CNTNAP4: variants seen among roughly 807,000 people sequenced by gnomAD.
The protein encoded by CNTNAP4 is contactin-associated protein-like 4.
CNTNAP4 carries 98 observed loss-of-function variants against 148.4 expected under a neutral mutation model. That is an observed-to-expected ratio of 0.66 (90% confidence interval 0.56 to 0.78). The LOEUF (loss-of-function observed/expected upper bound fraction) is 0.78, where lower values mean the gene tolerates loss of function less well. Ranked by LOEUF, CNTNAP4 falls within the 30% of genes least tolerant of loss-of-function variation. CNTNAP4 has a pLI of 0.00. For synonymous variants in CNTNAP4, 730 were observed against 565.1 expected (o/e 1.29, Z -4.14); for missense variants, 1,935 against 1,565.6 (o/e 1.24, Z -3.98).
intron 21 of CNTNAP4, among the ~76,000 whole-genome samples, chr16:76,550,146 CAT>C (rs35161209): frequency 0.19 from 29,097 of 152,078 alleles, 3,462 homozygotes; most frequent in Middle Eastern, 0.31. Context: ...AAAATAAACA[CAT>C]AAATATAACC....
chr16:76,395,627 CTT>C (rs972990502), intron 3 of CNTNAP4, among the ~76,000 whole-genome samples: 3 of 152,012 alleles, frequency 2.0e-5, no homozygotes, highest in Admixed American at 1.3e-4. Context: ...TTATAAGTAT[CTT>C]CAGTAAAAAT....
chr16:76,345,823 G>C (rs920572344), intron 2 of CNTNAP4, among the ~76,000 whole-genome samples: 2 of 152,180 alleles, frequency 1.3e-5, no homozygotes, highest in Non-Finnish European at 2.9e-5. Context: ...TAAAGTAAAT[G>C]CTGTATGAAA....
Position 76,470,496 on chromosome 16 carries a change from T to TATATATATATATATAA in CNTNAP4, c.1655+2974_1655+2975insTATATATATATATAAA, listed in dbSNP as rs1381766837. ...TCTCTACTAATAATATATATATATA[T>TATATATATATATATAA]AAAATTAGTCGGGCATGGTGGCACA... is the stretch of plus-strand genomic sequence containing the variant. On this transcript the variant is annotated intron_variant, in intron 10 of 23. Coordinates refer to ENST00000611870, the MANE Select transcript of CNTNAP4 (RefSeq NM_033401.5). Among the ~76,000 whole-genome samples, 5 of 57,130 alleles carry TATATATATATATATAA rather than the reference T, an allele frequency of 8.8e-5. 1 individual carries two copies. The highest frequency in any genetic ancestry group is 2.2e-4 in the African/African-American group (5 of 22,954). 37.5% of individuals were successfully genotyped at this position (57,130 alleles called of 152,430 possible).
intron 15 of CNTNAP4, among the ~76,000 whole-genome samples, chr16:76,519,187 T>C (rs1052533664): frequency 2.6e-5 from 4 of 152,204 alleles, no homozygotes; most frequent in Admixed American, 2.0e-4. Flanking sequence ...TTACCTCATT[T>C]TCTACCTTTT....
At chr16:76,470,703 A>G (rs1032381851) in intron 10 of CNTNAP4, among the ~76,000 whole-genome samples, 4 of 151,604 alleles carry the variant, frequency 2.6e-5, no homozygotes, top group African/African-American at 9.7e-5. Context: ...AAAAACATTA[A>G]CAATCTGACG....
At chr16:76,499,001 T>G (rs1284169488) in intron 15 of CNTNAP4, among the ~76,000 whole-genome samples, 1 of 151,938 alleles carries the variant, frequency 6.6e-6, no homozygotes, top group Non-Finnish European at 1.5e-5. Context: ...ATGGACATAA[T>G]GCAGTTGAAC....
At chr16:76,505,476 G>A (rs2082809753) in intron 15 of CNTNAP4, among the ~76,000 whole-genome samples, 1 of 97,010 alleles carries the variant, frequency 1.0e-5, no homozygotes, top group Admixed American at 1.0e-4. Flanking sequence ...ACTTTGAGGT[G>A]AGAGGAATTT....
rs138363058 is a variant in CNTNAP4, at chr16:76,384,254, G to C, written c.390+28743G>C. 7.1e-3 allele frequency among the ~76,000 whole-genome samples: 1,085 copies of C among 152,116 alleles called. 4 individuals carry two copies. Among genetic ancestry groups the C allele is most frequent in the Middle Eastern group, 0.017 (5 of 294 alleles). The stretch of plus-strand genomic sequence containing the variant: ...AGATGAGGTTTCACTATGTTGGTCA[G>C]GTTGGTCTTGAAATCCTGACCTTGT... On this transcript the variant is annotated intron_variant, in intron 3 of 23. Transcript: ENST00000611870.
intron 3 of CNTNAP4, among the ~76,000 whole-genome samples, chr16:76,425,838 G>A (rs144362978): frequency 6.7e-4 from 102 of 152,272 alleles, no homozygotes; most frequent in Non-Finnish European, 1.0e-3. Flanking sequence ...TGAATAAGGA[G>A]TTTAGATTTT....
chr16:76,357,396 T>C (rs2012827354), intron 3 of CNTNAP4, among the ~76,000 whole-genome samples: 1 of 152,240 alleles, frequency 6.6e-6, no homozygotes, highest in South Asian at 2.1e-4. Context: ...GGCACTGCCA[T>C]TTACCTTACT....
chr16:76,336,514 T>C (rs914327926), intron 2 of CNTNAP4, among the ~76,000 whole-genome samples: 1 of 152,178 alleles, frequency 6.6e-6, no homozygotes, highest in African/African-American at 2.4e-5. Context: ...TGAGCCAAAA[T>C]ATAATGATGT....
chr16:76,439,393 A>G (rs888815054), intron 4 of CNTNAP4, among the ~76,000 whole-genome samples: 46 of 152,158 alleles, frequency 3.0e-4, no homozygotes, highest in African/African-American at 1.1e-3. Flanking sequence ...TGATATTTCC[A>G]TTTGATCCCT....
At chr16:76,530,762 C>G (rs918663850) in intron 17 of CNTNAP4, among the ~76,000 whole-genome samples, 2 of 152,170 alleles carry the variant, frequency 1.3e-5, no homozygotes, top group African/African-American at 4.8e-5. Flanking sequence ...CCCCTCCTTT[C>G]CAGGACTTTG....
intron 18 of CNTNAP4, among the ~76,000 whole-genome samples, chr16:76,536,456 A>G (rs941464584): frequency 2.6e-5 from 4 of 152,118 alleles, no homozygotes; most frequent in African/African-American, 7.2e-5. Flanking sequence ...TGAGCCTCCC[A>G]AAGTGCTGGG....
intron 10 of CNTNAP4, 26 bp from the exon 11 acceptor site, chr16:76,475,913 G>A (rs201407680): frequency 5.9e-6 from 9 of 1,533,308 alleles, no homozygotes; most frequent in South Asian, 1.1e-5. Context: ...ATGGAAACTG[G>A]TGATTGTATC....
chr16:76,470,326 A>G lies in CNTNAP4; in HGVS notation c.1655+2803A>G, dbSNP rs2081318222. 3.3e-5 allele frequency among the ~76,000 whole-genome samples: 5 copies of G among 151,626 alleles called. No homozygotes were observed. In the South Asian group the frequency reaches 1.0e-3, roughly 32 times the overall value. On this transcript the variant is annotated intron_variant, in intron 10 of 23. Coordinates refer to ENST00000611870, the MANE Select transcript of CNTNAP4 (RefSeq NM_033401.5). ...AATAAATGTATCATTTGATGGTTCA[A>G]TAAACTATAATTAAAAACAAGCATT...
intron 2 of CNTNAP4, among the ~76,000 whole-genome samples, chr16:76,341,181 C>T (rs548164461): frequency 6.6e-6 from 1 of 152,070 alleles, no homozygotes; most frequent in African/African-American, 2.4e-5. Context: ...TCCCTGACAT[C>T]TTCCTCAACT....
intron 19 of CNTNAP4, among the ~76,000 whole-genome samples, chr16:76,538,570 A>G (rs947365627): frequency 6.6e-6 from 1 of 152,024 alleles, no homozygotes; most frequent in Admixed American, 6.5e-5. Flanking sequence ...TACATATTCA[A>G]TGTATAATTT....
chr16:76,448,264 C>A (rs2080324025), intron 5 of CNTNAP4, 49 bp downstream of exon 5: 1 of 1,328,630 alleles, frequency 7.5e-7, no homozygotes, highest in South Asian at 1.3e-5. Context: ...TTAGATATCA[C>A]CTAAGTCACT....
Sources: allele counts gnomAD v4.1 joint callset (sites outside exome capture counted in the v4.1 genomes callset), GRCh38; gene constraint gnomAD v4.1.1; transcripts MANE v1.5; gene names NCBI Gene and HGNC (gene_info 2026-07-23, HGNC 2026-07-21).